Variants in DIAPH3 observed in about 807,000 individuals in gnomAD.
DIAPH3 encodes the protein protein diaphanous homolog 3.
In DIAPH3, 117 loss-of-function variants were observed where a neutral mutation model predicts 144.3. The observed-to-expected ratio is 0.81, with a 90% CI of 0.70 to 0.95. The LOEUF (loss-of-function observed/expected upper bound fraction) is 0.95, where lower values mean the gene tolerates loss of function less well. DIAPH3 is among the 40% of genes least tolerant of loss of function. DIAPH3 has a pLI of 0.00. For missense variants in DIAPH3, 1,421 were observed against 1,412.7 expected, an observed-to-expected ratio of 1.01 and a Z score of -0.09; for synonymous variants, 519 against 488.9, an observed-to-expected ratio of 1.06 and a Z score of -0.81.
chr13:60,059,824 T>C (rs2056698130), intron 4 of DIAPH3, among the ~76,000 whole-genome samples: 1 of 152,040 alleles, frequency 6.6e-6, no homozygotes, highest in Non-Finnish European at 1.5e-5. Context: ...TTCTTAGTCA[T>C]TGGTTCATTA....
At chr13:59,902,916 G>A (rs60373011) in intron 20 of DIAPH3, among the ~76,000 whole-genome samples, 216 of 152,262 alleles carry the variant, frequency 1.4e-3, no homozygotes, top group African/African-American at 5.0e-3. Context: ...TGTTCTCACT[G>A]TGTAATGAAA....
rs576233384 is a variant in DIAPH3, at chr13:59,973,556, A to G, written c.1650+796T>C. Among the ~76,000 whole-genome samples, 20 of 152,244 alleles carry G rather than the reference A, an allele frequency of 1.3e-4. No homozygotes were observed. In the South Asian group the frequency reaches 3.9e-3, roughly 30 times the overall value. On this transcript the variant is annotated intron_variant, in intron 15 of 27. Coordinates refer to ENST00000400324, the MANE Select transcript of DIAPH3 (RefSeq NM_001042517.2). ...TAAAATTGAATACTAACAGATAGCT[A>G]TCTCTTAAGGTATCTCCAGACAGCC...
intron 24 of DIAPH3, 67 bp downstream of exon 24, chr13:59,833,040 G>C: frequency 8.5e-7 from 1 of 1,173,354 alleles, no homozygotes; most frequent in Non-Finnish European, 1.2e-6. Flanking sequence ...GTAGAACGAT[G>C]TAATGAGATA....
chr13:60,065,480 T>C (rs1594562198), intron 4 of DIAPH3, among the ~76,000 whole-genome samples: 2 of 152,242 alleles, frequency 1.3e-5, no homozygotes, highest in African/African-American at 4.8e-5. Context: ...ACTTTGCTCA[T>C]CATAGTATTC....
intron 27 of DIAPH3, chr13:59,696,048 G>A (rs1448053159): frequency 6.6e-6 from 1 of 152,158 alleles, no homozygotes; most frequent in African/African-American, 2.4e-5. Flanking sequence ...TGAAAGGATT[G>A]AAAGGTTGAG....
At chr13:59,900,604 G>A (rs979128082) in intron 20 of DIAPH3, among the ~76,000 whole-genome samples, 33 of 152,204 alleles carry the variant, frequency 2.2e-4, no homozygotes, top group Admixed American at 1.6e-3. Flanking sequence ...TCTCCAGGGA[G>A]AAGACTGAGA....
intron 20 of DIAPH3, among the ~76,000 whole-genome samples, chr13:59,899,874 T>C (rs1412038043): frequency 1.0e-4 from 10 of 98,704 alleles, no homozygotes; most frequent in Non-Finnish European, 2.4e-4. Flanking sequence ...TTTCAAACTT[T>C]TTGAGAAACT....
chr13:59,980,566 G>A (rs1335423111), intron 14 of DIAPH3, among the ~76,000 whole-genome samples: 1 of 151,534 alleles, frequency 6.6e-6, no homozygotes, highest in Non-Finnish European at 1.5e-5. Context: ...GTGAGATGAT[G>A]ATAAATACAT....
chr13:59,671,908 T>C (rs921430011), intron 27 of DIAPH3, among the ~76,000 whole-genome samples: 1 of 152,180 alleles, frequency 6.6e-6, no homozygotes, highest in Non-Finnish European at 1.5e-5. Context: ...ACATCTAGTG[T>C]TGGGTCCCAC....
chr13:59,943,023 A>G (rs1486113372), intron 17 of DIAPH3, among the ~76,000 whole-genome samples: 11 of 152,210 alleles, frequency 7.2e-5, no homozygotes, highest in African/African-American at 2.7e-4. Flanking sequence ...TTCCATATAT[A>G]TATAAGCATT....
intron 17 of DIAPH3, among the ~76,000 whole-genome samples, chr13:59,939,835 C>CAT (rs372542813): frequency 6.8e-6 from 1 of 146,652 alleles, no homozygotes; most frequent in Non-Finnish European, 1.5e-5. Flanking sequence ...GAGAATGAGG[C>CAT]GTGTGTGTGT....
chr13:59,748,564 T>C (rs1256074051), intron 27 of DIAPH3, among the ~76,000 whole-genome samples: 2 of 152,242 alleles, frequency 1.3e-5, no homozygotes, highest in African/African-American at 4.8e-5. Context: ...GTCATTAAAT[T>C]AGAATCCTCC....
At chr13:59,873,625 C>T (rs1262716579) in intron 21 of DIAPH3, among the ~76,000 whole-genome samples, 2 of 151,136 alleles carry the variant, frequency 1.3e-5, no homozygotes, top group Non-Finnish European at 2.9e-5. Context: ...TAATGTTTAG[C>T]TTGGCATGAG....
chr13:59,759,060 G>A (rs998236271), intron 27 of DIAPH3, among the ~76,000 whole-genome samples: 5 of 150,832 alleles, frequency 3.3e-5, no homozygotes, highest in Admixed American at 6.7e-5. Context: ...CCAAAGTGCT[G>A]GGGTTACAGG....
intron 1 of DIAPH3, among the ~76,000 whole-genome samples, chr13:60,157,279 A>G (rs983423797): frequency 6.6e-6 from 1 of 152,142 alleles, no homozygotes; most frequent in African/African-American, 2.4e-5. Flanking sequence ...TATGTAGCGC[A>G]GTACATGGGC....
In DIAPH3 at chr13:59,686,169, G is replaced by C. The variant is rs561740261; in HGVS notation, c.3320-19323C>G. 2.4e-4 allele frequency among the ~76,000 whole-genome samples: 37 copies of C among 152,198 alleles called. No homozygotes were observed. The Middle Eastern group carries it at 0.017, about 70-fold the overall frequency. Reference sequence around the variant, plus strand: ...TTATAAATATTTGTTAGTGGAATCTGCTATAGGAGAAAGAAGTAGATAAAC... The same window carrying C: ...TTATAAATATTTGTTAGTGGAATCTCCTATAGGAGAAAGAAGTAGATAAAC... On this transcript the variant is annotated intron_variant, in intron 27 of 27. Coordinates refer to ENST00000400324, the MANE Select transcript of DIAPH3 (RefSeq NM_001042517.2).
chr13:60,063,330 C>T (rs1397260159), intron 4 of DIAPH3, among the ~76,000 whole-genome samples: 5 of 152,192 alleles, frequency 3.3e-5, no homozygotes, highest in Non-Finnish European at 7.3e-5. Flanking sequence ...TTGCTGTTTA[C>T]ACCACATCTG....
intron 17 of DIAPH3, among the ~76,000 whole-genome samples, chr13:59,960,813 T>C (rs1305024309): frequency 6.6e-6 from 1 of 151,442 alleles, no homozygotes; most frequent in Non-Finnish European, 1.5e-5. Context: ...AAATTACAAA[T>C]ATTATTAGGC....
At chr13:59,813,192 G>A (rs547008390) in intron 24 of DIAPH3, among the ~76,000 whole-genome samples, 2 of 151,868 alleles carry the variant, frequency 1.3e-5, no homozygotes, top group African/African-American at 4.8e-5. Context: ...GAGTAGCAAA[G>A]GATTCTTTGT....
Sources: gnomAD v4.1 joint callset for allele counts (sites outside exome capture counted in the v4.1 genomes callset) on GRCh38, gnomAD v4.1.1 for gene constraint, MANE v1.5 for transcripts, NCBI Gene and HGNC (gene_info 2026-07-23, HGNC 2026-07-21) for gene names.